ZNF638: variants seen among roughly 807,000 people sequenced by gnomAD.
ZNF638 encodes the protein zinc finger protein 638.
A neutral mutation model predicts 195.6 loss-of-function variants in ZNF638; 46 were observed. That is an observed-to-expected ratio of 0.24 (90% confidence interval 0.19 to 0.30). ZNF638 has a LOEUF of 0.30. Among genes scored for constraint, ZNF638 ranks in the 10% least tolerant of loss-of-function variants. The probability of loss-of-function intolerance (pLI) is 1.00; values close to 1 mark genes in which losing one functional copy is unlikely to be tolerated. For missense variants in ZNF638, 2,440 were observed against 2,325.3 expected (o/e 1.05, Z -1.01); for synonymous variants, 845 against 772.0 (o/e 1.09, Z -1.57).
intron 10 of ZNF638, chr2:71,393,332 T>C: frequency 1.4e-6 from 1 of 702,172 alleles, no homozygotes; most frequent in South Asian, 1.5e-5. Flanking sequence ...TAACGTATGG[T>C]GTAGTCCAAA....
At chr2:71,419,202 C>T (rs1188840056) in intron 21 of ZNF638, among the ~76,000 whole-genome samples, 1 of 152,154 alleles carries the variant, frequency 6.6e-6, no homozygotes, top group Admixed American at 6.5e-5. Context: ...AAAGTACACC[C>T]TCTCCTTAAT....
intron 10 of ZNF638, among the ~76,000 whole-genome samples, chr2:71,383,768 T>C (rs1188663014): frequency 5.9e-5 from 8 of 136,406 alleles, no homozygotes; most frequent in African/African-American, 1.7e-4. Context: ...TTTTCTTTTT[T>C]TTTTTTTTTT....
At chr2:71,353,639 T>A (rs891554945) in intron 2 of ZNF638, among the ~76,000 whole-genome samples, 1 of 152,136 alleles carries the variant, frequency 6.6e-6, no homozygotes. Context: ...CTGAGAAGAG[T>A]ATATCTTAAA....
At chr2:71,379,103 C>G (rs966717435) in intron 8 of ZNF638, among the ~76,000 whole-genome samples, 4 of 152,066 alleles carry the variant, frequency 2.6e-5, no homozygotes, top group African/African-American at 9.7e-5. Flanking sequence ...GAAGCAGAGA[C>G]CATTACGAGG....
intron 8 of ZNF638, among the ~76,000 whole-genome samples, chr2:71,373,117 A>G (rs2079345446): frequency 6.6e-6 from 1 of 152,208 alleles, no homozygotes; most frequent in African/African-American, 2.4e-5. Context: ...ACTCCCTGGT[A>G]ATTTATGAGA....
At chr2:71,387,354 C>CT (rs1397468490) in intron 10 of ZNF638, among the ~76,000 whole-genome samples, 320 of 151,446 alleles carry the variant, frequency 2.1e-3, no homozygotes, top group African/African-American at 4.4e-3. Context: ...AAATTAGCTA[C>CT]TTTTTTTTTA....
chr2:71,384,604 A>G lies in ZNF638; in HGVS notation c.2377+4039A>G, dbSNP rs573233584. Among the ~76,000 whole-genome samples, 138 of 152,320 alleles carry G rather than the reference A, an allele frequency of 9.1e-4. 2 individuals are homozygous for G. The South Asian group carries it at 0.013, about 14-fold the overall frequency. On this transcript the variant is annotated intron_variant, in intron 10 of 27. Coordinates refer to ENST00000264447, the MANE Select transcript of ZNF638 (RefSeq NM_014497.5). ...AGGTACTGAAGATAAAAAGTCAGTTAAGACTTCTTTTGGGGAGAGTTGGAG... is the reference window on the plus strand; with the variant it reads ...AGGTACTGAAGATAAAAAGTCAGTTGAGACTTCTTTTGGGGAGAGTTGGAG...
At chr2:71,401,909 T>C (rs1255339543) in intron 15 of ZNF638, 47 bp from the exon 16 acceptor site, 1 of 1,502,580 alleles carries the variant, frequency 6.7e-7, no homozygotes, top group Non-Finnish European at 9.0e-7. Flanking sequence ...TAAGTAAATA[T>C]GAAACAAAGA....
chr2:71,371,457 C>T (rs1448647061), intron 8 of ZNF638, among the ~76,000 whole-genome samples: 2 of 152,096 alleles, frequency 1.3e-5, no homozygotes, highest in Non-Finnish European at 2.9e-5. Flanking sequence ...ATTTACGTTC[C>T]CACCAACAAT....
rs752819242 is a variant in ZNF638 at position 71,365,657 on chromosome 2, T to C, written c.1946T>C (p.Leu649Ser). 1 of 1,614,090 alleles carries C rather than the reference T, an allele frequency of 6.2e-7. No individual in the cohort carries two copies. Among genetic ancestry groups the C allele is most frequent in the Middle Eastern group, 1.6e-4 (1 of 6,062 alleles). The change falls in exon 6 of 28, where the codon TTG (leucine) becomes TCG (serine). Residue 649 changes from leucine to serine, a missense_variant. This residue lies in a region of ZNF638 where 1,883 missense variants were observed against 1,739.1 expected (regional missense o/e 1.08). Transcript: ENST00000264447. The part of the protein sequence containing the change: ...CKSKNLEDDT[L>S]SECKQVSDKA... ...TCAAAGAATCTTGAAGATGACACTTTGTCAGAATGTAAACAGGTGTCTGAT... is the reference window on the plus strand; with the variant it reads ...TCAAAGAATCTTGAAGATGACACTTCGTCAGAATGTAAACAGGTGTCTGAT...
chr2:71,394,313 G>A (rs1415012952), intron 10 of ZNF638, among the ~76,000 whole-genome samples: 7 of 152,100 alleles, frequency 4.6e-5, no homozygotes, highest in African/African-American at 1.4e-4. Flanking sequence ...ACACTTAATG[G>A]CATCTGGGAC....
chr2:71,337,637 C>G (rs564899061), intron 1 of ZNF638, among the ~76,000 whole-genome samples: 2 of 124,436 alleles, frequency 1.6e-5, no homozygotes, highest in East Asian at 4.0e-4. Flanking sequence ...AACTCCTGAG[C>G]TCAAGCATTC....
intron 3 of ZNF638, among the ~76,000 whole-genome samples, chr2:71,356,011 T>C (rs1042087640): frequency 6.6e-6 from 1 of 152,224 alleles, no homozygotes; most frequent in Non-Finnish European, 1.5e-5. Flanking sequence ...AGGTAAACTT[T>C]TTATGTCATT....
chr2:71,423,339 G>T lies in ZNF638; in HGVS notation c.3825G>T (p.Leu1275Phe). 1 of 1,613,854 alleles carries T rather than the reference G, an allele frequency of 6.2e-7. No individual in the cohort carries two copies. Among genetic ancestry groups the T allele is most frequent in the Non-Finnish European group, 8.5e-7 (1 of 1,179,994 alleles). Residue 1275 changes from leucine (L) to phenylalanine (F), a missense_variant, in exon 22 of 28, where the codon TTG becomes TTT. By Grantham distance (22) the Leu-to-Phe change is conservative. Coordinates refer to ENST00000264447, the MANE Select transcript of ZNF638 (RefSeq NM_014497.5). The stretch of plus-strand genomic sequence containing the variant: ...AAAATGAAACTGTTTCGGAAATATT[G>T]CCATCAACTTGTATTGTGACGTTAG... ...VEKNETVSEILPSTCIVTLVP... is the reference protein window; with the variant it reads ...VEKNETVSEIFPSTCIVTLVP...
At chr2:71,380,378 A>G (rs956656052) in intron 9 of ZNF638, 98 bp downstream of exon 9, 6 of 1,115,870 alleles carry the variant, frequency 5.4e-6, no homozygotes, top group African/African-American at 3.2e-5. Flanking sequence ...TTTTATCACT[A>G]TAACTATAGT....
intron 6 of ZNF638, among the ~76,000 whole-genome samples, chr2:71,366,500 T>C (rs916935354): frequency 1.3e-5 from 2 of 152,208 alleles, no homozygotes; most frequent in Non-Finnish European, 2.9e-5. Flanking sequence ...AGTCCAAGGT[T>C]CAAAATCTCG....
chr2:71,359,274 A>G (rs1315522009), intron 3 of ZNF638, among the ~76,000 whole-genome samples: 1 of 152,206 alleles, frequency 6.6e-6, no homozygotes, highest in Non-Finnish European at 1.5e-5. Context: ...TTCCAAACCA[A>G]GGAAGCTGAT....
intron 10 of ZNF638, among the ~76,000 whole-genome samples, chr2:71,387,141 T>G (rs1183427229): frequency 6.6e-6 from 1 of 152,116 alleles, no homozygotes; most frequent in Non-Finnish European, 1.5e-5. Context: ...GACAGTTCTT[T>G]AAAGAAAACA....
intron 20 of ZNF638, 177 bp from the exon 21 acceptor site, chr2:71,418,425 T>C (rs1172900780): frequency 9.9e-6 from 4 of 403,046 alleles, no homozygotes; most frequent in Non-Finnish European, 1.8e-5. Context: ...TGGAGGTCTT[T>C]AATTAGAAAA....
Sources: allele counts gnomAD v4.1 joint callset (sites outside exome capture counted in the v4.1 genomes callset), GRCh38; gene constraint gnomAD v4.1.1; regional missense constraint gnomAD v4.1.1; transcripts MANE v1.5; gene names NCBI Gene and HGNC (gene_info 2026-07-23, HGNC 2026-07-21).